Variants in PTPRT observed in about 807,000 individuals in gnomAD.
PTPRT encodes the protein protein tyrosine phosphatase receptor type T, also known as receptor-type tyrosine-protein phosphatase T.
In PTPRT, 56 loss-of-function variants were observed where a neutral mutation model predicts 176.8. The ratio of observed to expected loss-of-function variants is 0.32; its 90% CI spans 0.26 to 0.40. The LOEUF (loss-of-function observed/expected upper bound fraction) is 0.40. Ranked by LOEUF, PTPRT falls within the 10% of genes least tolerant of loss-of-function variation. The pLI is 1.00. For synonymous variants in PTPRT, 783 were observed against 739.0 expected, an observed-to-expected ratio of 1.06 and a Z score of -0.96; for missense variants, 1,540 against 1,908.2, an observed-to-expected ratio of 0.81 and a Z score of 3.60.
chr20:42,128,787 C>G lies in PTPRT; in HGVS notation c.2814G>C (p.Pro938=). The G allele has an allele frequency of 6.2e-7, 1 of 1,605,754 alleles. No homozygotes were observed. Among genetic ancestry groups the G allele is most frequent in the African/African-American group, 1.3e-5 (1 of 74,706 alleles). ...RVRLLVLDGD[P]HSDYINANYI... is the part of the protein sequence containing the mutation. ...AGTTGGCATTGATGTAGTCAGAGTG[C>G]GGGTCTCCATCCAGCACCAGCAGCC... The change falls in exon 19 of 31, where the codon CCG becomes CCC. Residue 938 remains proline, a synonymous_variant. Transcript: ENST00000373187.
At chr20:42,807,433 A>T (rs553511881) in intron 2 of PTPRT, among the ~76,000 whole-genome samples, 1 of 152,246 alleles carries the variant, frequency 6.6e-6, no homozygotes, top group African/African-American at 2.4e-5. Context: ...AAGTCTCTTA[A>T]GGTTATTTCC....
intron 11 of PTPRT, 64 bp from the exon 12 acceptor site, chr20:42,316,060 C>A: frequency 6.4e-7 from 1 of 1,557,782 alleles, no homozygotes; most frequent in South Asian, 1.2e-5. Flanking sequence ...CTTGTTAGCT[C>A]TAATGGTGTC....
chr20:43,003,101 G>C (rs1449542920), intron 1 of PTPRT, among the ~76,000 whole-genome samples: 1 of 152,092 alleles, frequency 6.6e-6, no homozygotes, highest in Non-Finnish European at 1.5e-5. Flanking sequence ...TTGAGAACTT[G>C]AATAAAATTA....
intron 2 of PTPRT, among the ~76,000 whole-genome samples, chr20:42,837,469 C>T (rs2078202174): frequency 6.6e-6 from 1 of 152,156 alleles, no homozygotes; most frequent in African/African-American, 2.4e-5. Flanking sequence ...CCATGGTGAC[C>T]AAGAGCACCA....
At chr20:43,053,862 G>A (rs1043044237) in intron 1 of PTPRT, among the ~76,000 whole-genome samples, 1 of 152,188 alleles carries the variant, frequency 6.6e-6, no homozygotes. Context: ...AGGAACAGAA[G>A]AAATGGAGGA....
chr20:42,559,273 A>G lies in PTPRT; in HGVS notation c.1154-86711T>C, dbSNP rs375842264. Among the ~76,000 whole-genome samples, 14 of 152,170 alleles carry G rather than the reference A, an allele frequency of 9.2e-5. No individual in the cohort carries two copies. In the East Asian group the frequency reaches 1.7e-3, roughly 19 times the overall value. ...CCATTCACCTGAAAATCTGCAAACCACCCTGGAATTTGTCTTCATCGTCTT... is the reference window on the plus strand; with the variant it reads ...CCATTCACCTGAAAATCTGCAAACCGCCCTGGAATTTGTCTTCATCGTCTT... On this transcript the variant is annotated intron_variant, in intron 7 of 30. Transcript: ENST00000373187.
chr20:42,872,484 T>A (rs1489926918), intron 2 of PTPRT, among the ~76,000 whole-genome samples: 1 of 152,212 alleles, frequency 6.6e-6, no homozygotes, highest in African/African-American at 2.4e-5. Flanking sequence ...TCAGGTGCCC[T>A]ACCTCCATAT....
chr20:42,760,815 G>T (rs1569139728), intron 5 of PTPRT, among the ~76,000 whole-genome samples: 1 of 152,048 alleles, frequency 6.6e-6, no homozygotes, highest in Non-Finnish European at 1.5e-5. Context: ...TTGTTTACTG[G>T]GGTTGATAGT....
intron 16 of PTPRT, among the ~76,000 whole-genome samples, chr20:42,180,028 C>A (rs1332080055): frequency 6.6e-6 from 1 of 152,128 alleles, no homozygotes; most frequent in Non-Finnish European, 1.5e-5. Context: ...TGCAGATAGA[C>A]GTGTTTTGTC....
At chr20:43,055,103 C>T (rs187293037) in intron 1 of PTPRT, among the ~76,000 whole-genome samples, 11 of 152,336 alleles carry the variant, frequency 7.2e-5, no homozygotes, top group Admixed American at 7.2e-4. Flanking sequence ...TATTAATATA[C>T]TTTTCAGCCT....
At chr20:42,650,264 C>T (rs2075005828) in intron 7 of PTPRT, among the ~76,000 whole-genome samples, 1 of 152,154 alleles carries the variant, frequency 6.6e-6, no homozygotes, top group South Asian at 2.1e-4. Context: ...CAACCAACCT[C>T]CAATACCCTG....
chr20:43,029,731 A>C (rs141335731), intron 1 of PTPRT, among the ~76,000 whole-genome samples: 1 of 152,350 alleles, frequency 6.6e-6, no homozygotes, highest in African/African-American at 2.4e-5. Context: ...GATTTCTGGC[A>C]TCCTTCCTAA....
intron 1 of PTPRT, among the ~76,000 whole-genome samples, chr20:42,936,567 C>CT (rs1980206640): frequency 6.6e-6 from 1 of 152,152 alleles, no homozygotes; most frequent in Admixed American, 6.5e-5. Flanking sequence ...CTTAACAAGT[C>CT]TCCTCTTGAC....
intron 7 of PTPRT, among the ~76,000 whole-genome samples, chr20:42,500,264 G>A (rs2071728718): frequency 6.6e-6 from 1 of 151,878 alleles, no homozygotes; most frequent in Non-Finnish European, 1.5e-5. Context: ...TGTATAACCA[G>A]ACAAAAATCA....
At chr20:43,055,116 T>C (rs973412799) in intron 1 of PTPRT, among the ~76,000 whole-genome samples, 6 of 152,328 alleles carry the variant, frequency 3.9e-5, no homozygotes, top group African/African-American at 1.4e-4. Flanking sequence ...TTCAGCCTCA[T>C]TAAATATTAC....
chr20:42,475,980 G>A (rs1007909344), intron 7 of PTPRT, among the ~76,000 whole-genome samples: 1 of 152,188 alleles, frequency 6.6e-6, no homozygotes, highest in Non-Finnish European at 1.5e-5. Context: ...TGACTAGAGC[G>A]TGGCTTGAAG....
At chr20:42,816,044 G>GCA (rs914883439) in intron 2 of PTPRT, among the ~76,000 whole-genome samples, 1 of 152,052 alleles carries the variant, frequency 6.6e-6, no homozygotes, top group African/African-American at 2.4e-5. Flanking sequence ...CTGGGAGCTG[G>GCA]CACACACACA....
chr20:42,745,800 G>A (rs545921388), intron 6 of PTPRT, among the ~76,000 whole-genome samples: 1 of 152,342 alleles, frequency 6.6e-6, no homozygotes, highest in South Asian at 2.1e-4. Context: ...GCTCATTATA[G>A]GAAGAGGGCA....
At chr20:43,158,133 C>T (rs1203051395) in intron 1 of PTPRT, among the ~76,000 whole-genome samples, 2 of 151,972 alleles carry the variant, frequency 1.3e-5, no homozygotes, top group African/African-American at 4.8e-5. Context: ...GTGGAGGTGG[C>T]GAGAGTGGGG....
Sources: allele counts gnomAD v4.1 joint callset (sites outside exome capture counted in the v4.1 genomes callset), GRCh38; gene constraint gnomAD v4.1.1; transcripts MANE v1.5; gene names NCBI Gene and HGNC (gene_info 2026-07-23, HGNC 2026-07-21).